SNX29: variants seen among roughly 807,000 people sequenced by gnomAD.
SNX29 encodes the protein sorting nexin-29.
In SNX29, 78 loss-of-function variants were observed where a neutral mutation model predicts 102.1. That is an observed-to-expected ratio of 0.76 (90% CI 0.64 to 0.92). The LOEUF (loss-of-function observed/expected upper bound fraction) is 0.92, where lower values mean the gene tolerates loss of function less well. Among genes scored for constraint, SNX29 ranks in the 40% least tolerant of loss-of-function variants. The probability of loss-of-function intolerance (pLI) is 0.00; values close to 1 mark genes in which losing one functional copy is unlikely to be tolerated. For synonymous variants in SNX29, 580 were observed against 414.5 expected, an observed-to-expected ratio of 1.40 and a Z score of -4.85; for missense variants, 1,280 against 1,061.7, an observed-to-expected ratio of 1.21 and a Z score of -2.86.
intron 11 of SNX29, among the ~76,000 whole-genome samples, chr16:12,083,199 G>A (rs988003043): frequency 2.0e-5 from 3 of 151,708 alleles, no homozygotes; most frequent in East Asian, 1.9e-4. Flanking sequence ...TCGGCTACTC[G>A]GGATGCAGAG....
At chr16:12,552,206 G>C (rs1328784809) in intron 20 of SNX29, among the ~76,000 whole-genome samples, 16 of 152,154 alleles carry the variant, frequency 1.1e-4, no homozygotes, top group Admixed American at 1.0e-3. Context: ...AGGCAGGGGA[G>C]GGCCGTGGAG....
intron 13 of SNX29, among the ~76,000 whole-genome samples, chr16:12,158,461 A>G (rs926943785): frequency 3.9e-5 from 6 of 152,140 alleles, no homozygotes; most frequent in African/African-American, 1.2e-4. Flanking sequence ...CGGCCTCCCA[A>G]AGTGCTGGGA....
At chr16:12,535,063 C>T (rs969431253) in intron 20 of SNX29, among the ~76,000 whole-genome samples, 3 of 152,164 alleles carry the variant, frequency 2.0e-5, no homozygotes, top group African/African-American at 7.2e-5. Context: ...CACTGGGACT[C>T]CACAGTCAAG....
chr16:12,060,104 G>A (rs980660747), intron 8 of SNX29, among the ~76,000 whole-genome samples: 24 of 151,988 alleles, frequency 1.6e-4, no homozygotes, highest in African/African-American at 4.1e-4. Context: ...CGTGAGTTCC[G>A]CATCTATGGT....
chr16:12,150,453 G>A (rs1597049932), intron 13 of SNX29, among the ~76,000 whole-genome samples: 1 of 152,192 alleles, frequency 6.6e-6, no homozygotes, highest in South Asian at 2.1e-4. Flanking sequence ...CTCAAGGTAC[G>A]AGGCCAGACC....
intron 12 of SNX29, 49 bp downstream of exon 12, chr16:12,126,745 G>T: frequency 1.2e-6 from 2 of 1,601,720 alleles, no homozygotes; most frequent in African/African-American, 1.3e-5. Context: ...TTGACATTCT[G>T]CCTCTGGGGA....
intron 15 of SNX29, among the ~76,000 whole-genome samples, chr16:12,331,134 T>G (rs1029150967): frequency 1.3e-5 from 2 of 152,214 alleles, no homozygotes; most frequent in Non-Finnish European, 2.9e-5. Context: ...GGTATGAGCT[T>G]GGCAGGCCTG....
At chr16:12,106,538 A>G (rs2053252285) in intron 11 of SNX29, among the ~76,000 whole-genome samples, 1 of 151,792 alleles carries the variant, frequency 6.6e-6, no homozygotes, top group Admixed American at 6.6e-5. Flanking sequence ...CAGTGGAATG[A>G]TGATACCTTA....
intron 13 of SNX29, among the ~76,000 whole-genome samples, chr16:12,131,894 T>A (rs1874880262): frequency 6.6e-6 from 1 of 152,228 alleles, no homozygotes; most frequent in African/African-American, 2.4e-5. Flanking sequence ...TTTAAAATGA[T>A]AGCTCAAGAG....
At chr16:12,281,206 G>A (rs1176685841) in intron 15 of SNX29, among the ~76,000 whole-genome samples, 1 of 152,182 alleles carries the variant, frequency 6.6e-6, no homozygotes, top group Non-Finnish European at 1.5e-5. Flanking sequence ...ATGCCATTGT[G>A]CCCAGTCCAT....
intron 20 of SNX29, among the ~76,000 whole-genome samples, chr16:12,532,883 G>A (rs964864288): frequency 5.9e-5 from 9 of 152,340 alleles, no homozygotes; most frequent in Admixed American, 5.9e-4. Flanking sequence ...GAGAGCTGCA[G>A]AATCAACACC....
chr16:12,542,504 G>A lies in SNX29; in HGVS notation c.2318+17663G>A, dbSNP rs374179531. On this transcript the variant is annotated intron_variant, in intron 20 of 20. Transcript: ENST00000566228. ...CCACTACCACACCTGGCTCATTTTTGTATTTTTAGGAGAGGCAGGGTTTCA... is the reference window on the plus strand; with the variant it reads ...CCACTACCACACCTGGCTCATTTTTATATTTTTAGGAGAGGCAGGGTTTCA... 6.8e-4 allele frequency among the ~76,000 whole-genome samples: 104 copies of A among 152,308 alleles called. 2 individuals carry two copies. The South Asian group carries it at 0.016, about 23-fold the overall frequency.
Position 12,224,415 on chromosome 16 carries a change from G to A in SNX29, c.1678+24732G>A, listed in dbSNP as rs1596552798. ...CTGAGACATGGTCACTCCCCCTGGGGCTCCCAGCCTGGAGAGGAGGGAGTG... is the reference window on the plus strand; with the variant it reads ...CTGAGACATGGTCACTCCCCCTGGGACTCCCAGCCTGGAGAGGAGGGAGTG... On this transcript the variant is annotated intron_variant, in intron 14 of 20. Coordinates refer to ENST00000566228, the MANE Select transcript of SNX29 (RefSeq NM_032167.5). Among the ~76,000 whole-genome samples the A allele has an allele frequency of 2.0e-5, 3 of 152,210 alleles. No homozygotes were observed. In the East Asian group the frequency reaches 5.8e-4, roughly 29 times the overall value.
At chr16:12,532,319 G>A (rs929649910) in intron 20 of SNX29, among the ~76,000 whole-genome samples, 7 of 152,334 alleles carry the variant, frequency 4.6e-5, no homozygotes, top group African/African-American at 1.2e-4. Flanking sequence ...ACTCTGTAGC[G>A]TCATGAGCCT....
chr16:12,018,807 C>G (rs1039935708), intron 3 of SNX29, among the ~76,000 whole-genome samples: 7 of 149,772 alleles, frequency 4.7e-5, no homozygotes, highest in Non-Finnish European at 8.9e-5. Context: ...ATGCAGGTCT[C>G]GAACTCCTGG....
At chr16:12,485,680 T>C (rs1391971311) in intron 19 of SNX29, among the ~76,000 whole-genome samples, 1 of 152,088 alleles carries the variant, frequency 6.6e-6, no homozygotes, top group Non-Finnish European at 1.5e-5. Flanking sequence ...TGCAGGGCTG[T>C]TGTGCTGGGT....
At position 12,356,234 on chromosome 16, in the gene SNX29, C is replaced by T; in HGVS notation, c.1854C>T (p.Ala618=). 6.2e-7 allele frequency: 1 copy of T among 1,612,916 alleles called. No individual in the cohort carries two copies. Among genetic ancestry groups the T allele is most frequent in the South Asian group, 1.1e-5 (1 of 90,676 alleles). The change falls in exon 16 of 21, where the codon GCC becomes GCT. Residue 618 remains alanine (A), a synonymous_variant. Transcript: ENST00000566228. ...RLHRALVAKE[A]LVSQMRQELI... Reference sequence around the variant, plus strand: ...ACAGGGCCCTGGTAGCCAAGGAAGCCCTCGTGTCCCAGATGAGGCAGGAGC... The same window carrying T: ...ACAGGGCCCTGGTAGCCAAGGAAGCTCTCGTGTCCCAGATGAGGCAGGAGC...
intron 18 of SNX29, among the ~76,000 whole-genome samples, chr16:12,454,919 C>T (rs1299305557): frequency 3.3e-5 from 5 of 151,990 alleles, no homozygotes; most frequent in Non-Finnish European, 5.9e-5. Flanking sequence ...CTAATTATTT[C>T]GTGTTTTTAG....
intron 17 of SNX29, among the ~76,000 whole-genome samples, chr16:12,401,948 AC>A (rs1302231877): frequency 1.3e-5 from 2 of 152,330 alleles, no homozygotes; most frequent in East Asian, 3.9e-4. Flanking sequence ...CCTCGCTCTA[AC>A]CCTGGGAGGT....
Sources: gnomAD v4.1 joint callset for allele counts (sites outside exome capture counted in the v4.1 genomes callset) on GRCh38, gnomAD v4.1.1 for gene constraint, MANE v1.5 for transcripts, NCBI Gene and HGNC (gene_info 2026-07-23, HGNC 2026-07-21) for gene names.